NREP: variants seen among roughly 807,000 people sequenced by gnomAD.
NREP encodes neuronal regeneration related protein.
Under a neutral mutation model 8.6 loss-of-function variants are expected in NREP, and 5 were observed. The ratio of observed to expected loss-of-function variants is 0.58; its 90% confidence interval spans 0.30 to 1.22. The LOEUF (loss-of-function observed/expected upper bound fraction) is 1.22. Ranked by LOEUF, NREP falls within the 50% of genes most tolerant of loss-of-function variation. NREP has a pLI of 0.07. For synonymous variants in NREP, 27 were observed against 28.0 expected, an observed-to-expected ratio of 0.96 and a Z score of 0.11; for missense variants, 86 against 82.5, an observed-to-expected ratio of 1.04 and a Z score of -0.17.
chr5:111,820,154 G>A (rs1012856835), intron 2 of NREP, among the ~76,000 whole-genome samples: 21 of 152,114 alleles, frequency 1.4e-4, no homozygotes, highest in African/African-American at 3.4e-4. Flanking sequence ...CACCCTGACC[G>A]TCAGAAGCCA....
At chr5:111,754,557 A>G (rs1253328189) in intron 2 of NREP, among the ~76,000 whole-genome samples, 3 of 152,340 alleles carry the variant, frequency 2.0e-5, no homozygotes, top group East Asian at 1.9e-4. Context: ...TTATTCTATG[A>G]CAACAGCTAA....
intron 2 of NREP, among the ~76,000 whole-genome samples, chr5:111,874,334 T>C (rs1753856617): frequency 6.6e-6 from 1 of 152,206 alleles, no homozygotes; most frequent in Non-Finnish European, 1.5e-5. Context: ...AATTATTTCA[T>C]GAGTTCAAGA....
intron 2 of NREP, among the ~76,000 whole-genome samples, chr5:111,776,394 T>G (rs2112878075): frequency 6.6e-6 from 1 of 152,278 alleles, no homozygotes; most frequent in South Asian, 2.1e-4. Context: ...GAACATCTAT[T>G]TTGGAAAACT....
chr5:111,796,516 GC>G (rs1751876131), intron 2 of NREP, among the ~76,000 whole-genome samples: 1 of 152,112 alleles, frequency 6.6e-6, no homozygotes, highest in African/African-American at 2.4e-5. Context: ...CAGAATTAAG[GC>G]AAGTCTAAGG....
At chr5:111,897,881 A>T (rs150105682) in intron 2 of NREP, among the ~76,000 whole-genome samples, 1 of 152,166 alleles carries the variant, frequency 6.6e-6, no homozygotes, top group African/African-American at 2.4e-5. Flanking sequence ...CTAATCAAAG[A>T]TGAGGTAAAA....
At chr5:111,781,222 G>A (rs1395402225) in intron 2 of NREP, among the ~76,000 whole-genome samples, 1 of 152,064 alleles carries the variant, frequency 6.6e-6, no homozygotes, top group Non-Finnish European at 1.5e-5. Context: ...CCAATAGAAT[G>A]GGGTATAAGT....
intron 3 of NREP, chr5:111,735,213 A>T (rs1441917502): frequency 2.3e-6 from 1 of 432,238 alleles, no homozygotes; most frequent in Non-Finnish European, 4.2e-6. Flanking sequence ...TTTAAATGAA[A>T]ATTTTTCATT....
intron 2 of NREP, among the ~76,000 whole-genome samples, chr5:111,919,978 C>A (rs1196673407): frequency 1.6e-5 from 2 of 126,532 alleles, no homozygotes; most frequent in African/African-American, 3.5e-5. Flanking sequence ...AGAATACCCC[C>A]CCCCCCCACA....
At chr5:111,808,584 C>T (rs952977177) in intron 2 of NREP, among the ~76,000 whole-genome samples, 30 of 152,124 alleles carry the variant, frequency 2.0e-4, no homozygotes, top group Non-Finnish European at 3.8e-4. Context: ...GCAAACTATT[C>T]TTTGTCCTGG....
At chr5:111,934,974 T>C (rs1243133988) in intron 2 of NREP, among the ~76,000 whole-genome samples, 4 of 151,012 alleles carry the variant, frequency 2.6e-5, no homozygotes, top group Admixed American at 6.6e-5. Flanking sequence ...ATCCGAAACA[T>C]AGTAGGGTGG....
intron 2 of NREP, among the ~76,000 whole-genome samples, chr5:111,908,044 T>C (rs1581208549): frequency 6.6e-6 from 1 of 152,032 alleles, no homozygotes; most frequent in Non-Finnish European, 1.5e-5. Context: ...TTTTGGAAAA[T>C]GAATGATGAC....
intron 2 of NREP, among the ~76,000 whole-genome samples, chr5:111,877,367 C>T (rs951515874): frequency 2.0e-5 from 3 of 152,154 alleles, no homozygotes; most frequent in Non-Finnish European, 4.4e-5. Flanking sequence ...TCATGAAAAC[C>T]CTCACATAAT....
chr5:111,941,813 C>T (rs866378966), intron 2 of NREP, among the ~76,000 whole-genome samples: 2 of 152,134 alleles, frequency 1.3e-5, no homozygotes, highest in Middle Eastern at 3.4e-3. Flanking sequence ...ATAATCCCAC[C>T]AAAGGAATGT....
intron 2 of NREP, among the ~76,000 whole-genome samples, chr5:111,772,537 G>T (rs895166248): frequency 6.6e-6 from 1 of 151,952 alleles, no homozygotes; most frequent in African/African-American, 2.4e-5. Context: ...TGGTTTGAGG[G>T]AACATCTTTA....
chr5:111,860,572 TCTC>T (rs1753522935), intron 2 of NREP, among the ~76,000 whole-genome samples: 1 of 152,112 alleles, frequency 6.6e-6, no homozygotes, highest in Non-Finnish European at 1.5e-5. Flanking sequence ...TCTCTCTCTC[TCTC>T]CTTCAATCTG....
At chr5:111,799,558 G>A (rs1207731673) in intron 2 of NREP, among the ~76,000 whole-genome samples, 1 of 152,014 alleles carries the variant, frequency 6.6e-6, no homozygotes, top group Admixed American at 6.6e-5. Flanking sequence ...TTGTATTCTT[G>A]TTTCTACTGC....
intron 2 of NREP, among the ~76,000 whole-genome samples, chr5:111,913,469 G>T (rs80268442): frequency 0.062 from 9,398 of 152,070 alleles, 673 homozygotes; most frequent in East Asian, 0.23. Context: ...ACTATATTTT[G>T]ATGTGAGAAA....
chr5:111,841,447 G>T (rs1192894308), intron 2 of NREP, among the ~76,000 whole-genome samples: 1 of 152,128 alleles, frequency 6.6e-6, no homozygotes, highest in Non-Finnish European at 1.5e-5. Context: ...CCTTTAGAAA[G>T]CTGGTCTCTA....
chr5:111,805,151 A>G (rs947335804), intron 2 of NREP, among the ~76,000 whole-genome samples: 1 of 152,260 alleles, frequency 6.6e-6, no homozygotes, highest in African/African-American at 2.4e-5. Context: ...CAACTGAGAT[A>G]CAATTTTTCA....
Sources: gnomAD v4.1 joint callset for allele counts (sites outside exome capture counted in the v4.1 genomes callset) on GRCh38, gnomAD v4.1.1 for gene constraint, MANE v1.5 for transcripts, NCBI Gene and HGNC (gene_info 2026-07-23, HGNC 2026-07-21) for gene names.